Variants in CADM2 observed in about 807,000 individuals in gnomAD.
The protein encoded by CADM2 is cell adhesion molecule 2.
CADM2 carries 12 observed loss-of-function variants against 49.8 expected under a neutral mutation model. The ratio of observed to expected loss-of-function variants is 0.24; its 90% confidence interval spans 0.15 to 0.39. CADM2 has a LOEUF of 0.39. Among genes scored for constraint, CADM2 ranks in the 10% least tolerant of loss-of-function variants. The pLI, the probability that CADM2 is intolerant of heterozygous loss-of-function variation, is 1.00. For missense variants in CADM2, 378 were observed against 492.3 expected, an observed-to-expected ratio of 0.77 and a Z score of 2.20; for synonymous variants, 214 against 175.4, an observed-to-expected ratio of 1.22 and a Z score of -1.74.
chr3:85,911,016 T>C (rs546157641), intron 5 of CADM2, among the ~76,000 whole-genome samples: 1 of 152,122 alleles, frequency 6.6e-6, no homozygotes, highest in African/African-American at 2.4e-5. Flanking sequence ...TGTATTCATT[T>C]TTGTTATTAA....
intron 7 of CADM2, among the ~76,000 whole-genome samples, chr3:85,939,725 T>A (rs1295697526): frequency 4.0e-5 from 6 of 151,084 alleles, no homozygotes; most frequent in Non-Finnish European, 8.8e-5. Context: ...TTTTTCTATG[T>A]ATCCAGCACA....
intron 1 of CADM2, among the ~76,000 whole-genome samples, chr3:85,654,978 A>T (rs1373200246): frequency 2.6e-5 from 4 of 152,200 alleles, no homozygotes; most frequent in Admixed American, 2.6e-4. Flanking sequence ...TGTTGAAAAA[A>T]TTGGGAATTA....
rs947217794 is a variant in CADM2, at chr3:86,053,598, T to C, written c.971-12007T>C. ...CTCAGGCATCCATAAGCCAAACAAT[T>C]ACTTTTTAACATGCAGTAATCATGG... On this transcript the variant is annotated intron_variant, in intron 8 of 9. Coordinates refer to ENST00000383699, the MANE Select transcript of CADM2 (RefSeq NM_001167675.2). 2.6e-5 allele frequency among the ~76,000 whole-genome samples: 4 copies of C among 152,216 alleles called. No individual in the cohort carries two copies. In the East Asian group the frequency reaches 7.8e-4, roughly 30 times the overall value.
chr3:85,995,002 T>A (rs1219652728), intron 8 of CADM2, among the ~76,000 whole-genome samples: 1 of 111,780 alleles, frequency 8.9e-6, no homozygotes, highest in Non-Finnish European at 1.9e-5. Flanking sequence ...TTGCCACAAA[T>A]CTTCGATTTG....
intron 1 of CADM2, among the ~76,000 whole-genome samples, chr3:85,091,633 C>T (rs2037601778): frequency 1.3e-5 from 2 of 152,028 alleles, no homozygotes; most frequent in Non-Finnish European, 2.9e-5. Flanking sequence ...AACTAAGTTT[C>T]TTAAATATTT....
intron 3 of CADM2, among the ~76,000 whole-genome samples, chr3:85,852,734 C>T (rs2075157213): frequency 6.6e-6 from 1 of 152,020 alleles, no homozygotes; most frequent in Non-Finnish European, 1.5e-5. Context: ...CTCTTTTTAG[C>T]TAAAATTTAA....
chr3:85,130,055 C>G (rs969683517), intron 1 of CADM2, among the ~76,000 whole-genome samples: 6 of 152,080 alleles, frequency 3.9e-5, no homozygotes, highest in Admixed American at 2.6e-4. Flanking sequence ...TTAAGTTATC[C>G]ATTAGGAAAT....
At chr3:85,100,566 G>C (rs1402450396) in intron 1 of CADM2, among the ~76,000 whole-genome samples, 1 of 152,130 alleles carries the variant, frequency 6.6e-6, no homozygotes, top group East Asian at 1.9e-4. Flanking sequence ...TCACTTGCAG[G>C]AGTATTTCTA....
chr3:85,249,066 T>C (rs1170773496), intron 1 of CADM2, among the ~76,000 whole-genome samples: 2 of 152,182 alleles, frequency 1.3e-5, no homozygotes, highest in African/African-American at 4.8e-5. Context: ...TCTTTGCTAC[T>C]ACTTGATATA....
At chr3:85,072,847 G>GT (rs558016957) in intron 1 of CADM2, among the ~76,000 whole-genome samples, 25 of 151,688 alleles carry the variant, frequency 1.6e-4, no homozygotes, top group Admixed American at 2.6e-4. Context: ...AAATGCAGAG[G>GT]TTTTTTTTAT....
chr3:85,661,134 C>A (rs902524797), intron 1 of CADM2, among the ~76,000 whole-genome samples: 1 of 152,058 alleles, frequency 6.6e-6, no homozygotes, highest in Non-Finnish European at 1.5e-5. Flanking sequence ...ATTTGCAGTT[C>A]CATACCTCTA....
chr3:85,636,443 C>A (rs115127473), intron 1 of CADM2, among the ~76,000 whole-genome samples: 3,190 of 152,080 alleles, frequency 0.021, 102 homozygotes, highest in African/African-American at 0.072. Context: ...TGTGTTATTA[C>A]AAAAGAGTCC....
chr3:85,351,277 G>C (rs564445222), intron 1 of CADM2, among the ~76,000 whole-genome samples: 1 of 152,086 alleles, frequency 6.6e-6, no homozygotes, highest in East Asian at 1.9e-4. Flanking sequence ...CCACCAGCTG[G>C]TATCGCTTAC....
At chr3:85,756,817 G>T (rs899003722) in intron 2 of CADM2, among the ~76,000 whole-genome samples, 9 of 151,938 alleles carry the variant, frequency 5.9e-5, no homozygotes, top group Non-Finnish European at 1.3e-4. Context: ...TTTTATTTTT[G>T]AATCAACTCT....
intron 1 of CADM2, among the ~76,000 whole-genome samples, chr3:85,656,231 T>C (rs1365599099): frequency 6.6e-6 from 1 of 152,214 alleles, no homozygotes; most frequent in Non-Finnish European, 1.5e-5. Context: ...AGTTTAAAAA[T>C]TATAAATAAT....
At chr3:85,684,295 C>G (rs774131134) in intron 1 of CADM2, among the ~76,000 whole-genome samples, 1 of 152,130 alleles carries the variant, frequency 6.6e-6, no homozygotes, top group Non-Finnish European at 1.5e-5. Flanking sequence ...GATCCTTGGT[C>G]TCTATCTACT....
chr3:85,997,541 A>G lies in CADM2; in HGVS notation c.970+35894A>G, dbSNP rs528299287. Among the ~76,000 whole-genome samples the G allele has an allele frequency of 2.0e-5, 3 of 152,320 alleles. No homozygotes were observed. In the East Asian group the frequency reaches 5.8e-4, roughly 29 times the overall value. On this transcript the variant is annotated intron_variant, in intron 8 of 9. Coordinates refer to ENST00000383699, the MANE Select transcript of CADM2 (RefSeq NM_001167675.2). ...CACTATTATAAGACAATGTCAAATA[A>G]AAATAATAATTCATCTTTTTGGAAA...
chr3:85,125,132 G>C (rs968533863), intron 1 of CADM2, among the ~76,000 whole-genome samples: 8 of 152,140 alleles, frequency 5.3e-5, no homozygotes, highest in Non-Finnish European at 7.3e-5. Context: ...AAATTCCCTA[G>C]ACACATGTTA....
intron 5 of CADM2, among the ~76,000 whole-genome samples, chr3:85,891,237 C>T (rs1057049472): frequency 1.3e-5 from 2 of 152,130 alleles, no homozygotes; most frequent in African/African-American, 4.8e-5. Context: ...ATGTGCATTG[C>T]CTTCCTAAGT....
Sources: allele counts gnomAD v4.1 joint callset (sites outside exome capture counted in the v4.1 genomes callset), GRCh38; gene constraint gnomAD v4.1.1; transcripts MANE v1.5; gene names NCBI Gene and HGNC (gene_info 2026-07-23, HGNC 2026-07-21).